HEPH: variants seen among roughly 807,000 people sequenced by gnomAD.
HEPH encodes the protein hephaestin.
In HEPH, 69 loss-of-function variants were observed where a neutral mutation model predicts 80.8. The ratio of observed to expected loss-of-function variants is 0.85; its 90% CI spans 0.70 to 1.04. The LOEUF is 1.04. Ranked by LOEUF, HEPH falls within the 50% of genes least tolerant of loss-of-function variation. HEPH has a pLI of 0.00. For synonymous variants in HEPH, 431 were observed against 322.8 expected (o/e 1.34, Z -3.60); for missense variants, 1,115 against 891.3 (o/e 1.25, Z -3.20).
Position 66,189,818 on chromosome X carries a change from A to G in HEPH, c.943A>G (p.Thr315Ala), listed in dbSNP as rs781442677. Residue 315 changes from threonine (T) to alanine (A), a missense_variant, in exon 6 of 21, where the codon ACC becomes GCC. Physicochemically the swap from Thr to Ala is moderately conservative, Grantham distance 58. Coordinates refer to ENST00000343002, the MANE Select transcript of HEPH (RefSeq NM_001367233.3). ...TAFFHGQMLT[T>A]RGHHTDVANI... Reference sequence around the variant, plus strand: ...ATTTTTCCATGGACAGATGCTGACTACCCGTGGACACCACACTGATGTGGC... The same window carrying G: ...ATTTTTCCATGGACAGATGCTGACTGCCCGTGGACACCACACTGATGTGGC... 2.5e-5 allele frequency: 30 copies of G among 1,208,408 alleles called. No homozygotes were observed. Among genetic ancestry groups the G allele is most frequent in the African/African-American group, 3.5e-5 (2 of 56,794 alleles).
chrX:66,236,117 T>C (rs1222611789), intron 15 of HEPH, among the ~76,000 whole-genome samples: 1 of 111,652 alleles, frequency 9.0e-6, no homozygotes, highest in East Asian at 2.8e-4. Context: ...CTTACCTGAA[T>C]GCTCTGGCCA....
chrX:66,166,941 C>T lies in HEPH; in HGVS notation c.-14+2471C>T, dbSNP rs190864270. Among the ~76,000 whole-genome samples, 82 of 112,288 alleles carry T rather than the reference C, an allele frequency of 7.3e-4. 2 individuals are homozygous for T. The highest frequency in any genetic ancestry group is 2.6e-3 in the African/African-American group (82 of 30,997). ...TTATGGCCCTGGCAAGTTTCATTTC[C>T]AAACTATTTCCTTACTTGCAATAGT... is the stretch of plus-strand genomic sequence containing the variant. On this transcript the variant is annotated intron_variant, in intron 1 of 20. Coordinates refer to ENST00000343002, the MANE Select transcript of HEPH (RefSeq NM_001367233.3).
chrX:66,187,880 T>C (rs1213892500), intron 4 of HEPH, among the ~76,000 whole-genome samples: 1 of 112,358 alleles, frequency 8.9e-6, no homozygotes, highest in Non-Finnish European at 1.9e-5. Context: ...CACCAAACTT[T>C]TCTCCTTTTT....
chrX:66,252,983 G>GC (rs1298853911), intron 15 of HEPH, among the ~76,000 whole-genome samples: 1 of 112,169 alleles, frequency 8.9e-6, no homozygotes, highest in Non-Finnish European at 1.9e-5. Context: ...AAATATAAAA[G>GC]CTAAAGCTAT....
Position 66,214,422 on chromosome X carries a change from G to A in HEPH, c.2563+6176G>A, listed in dbSNP as rs144108726. 9.6e-3 allele frequency among the ~76,000 whole-genome samples: 1,075 copies of A among 111,477 alleles called. 12 individuals are homozygous for A. The highest frequency in any genetic ancestry group is 0.048 in the Admixed American group (505 of 10,478). Reference sequence around the variant, plus strand: ...TAATCCCTTCTAGGTTTTAAACATGGCAGATATCTTTTCCCGATTTGTCAT... The same window carrying A: ...TAATCCCTTCTAGGTTTTAAACATGACAGATATCTTTTCCCGATTTGTCAT... On this transcript the variant is annotated intron_variant, in intron 15 of 20. Transcript: ENST00000343002.
intron 4 of HEPH, among the ~76,000 whole-genome samples, chrX:66,179,119 T>A (rs1001732640): frequency 4.5e-5 from 5 of 112,307 alleles, no homozygotes; most frequent in Non-Finnish European, 7.5e-5. Flanking sequence ...AATTAATTTT[T>A]GTATAAGGTG....
chrX:66,172,264 A>G, intron 2 of HEPH, 91 bp from the exon 3 acceptor site: 1 of 856,007 alleles, frequency 1.2e-6, no homozygotes, highest in Non-Finnish European at 1.6e-6. Flanking sequence ...AAACAAAGAT[A>G]GTCACTTTTT....
intron 1 of HEPH, 81 bp downstream of exon 1, chrX:66,164,551 G>C: frequency 7.5e-6 from 5 of 670,537 alleles, no homozygotes; most frequent in Non-Finnish European, 8.9e-6. Context: ...GGGTTTAAGG[G>C]AGTCCTGGCC....
intron 15 of HEPH, among the ~76,000 whole-genome samples, chrX:66,247,236 C>T (rs887612967): frequency 9.1e-6 from 1 of 109,841 alleles, no homozygotes; most frequent in East Asian, 2.9e-4. Flanking sequence ...CATTTTTAGC[C>T]ATTATTGTTT....
chrX:66,232,232 A>C (rs2090178334), intron 15 of HEPH, among the ~76,000 whole-genome samples: 1 of 111,184 alleles, frequency 9.0e-6, no homozygotes, highest in Non-Finnish European at 1.9e-5. Flanking sequence ...TATTGGTCTA[A>C]AATTCTCTTT....
chrX:66,205,135 CTTTTA>C (rs1249178387), intron 13 of HEPH, among the ~76,000 whole-genome samples: 2 of 111,203 alleles, frequency 1.8e-5, no homozygotes, highest in Non-Finnish European at 3.8e-5. Flanking sequence ...TTAATTTCAA[CTTTTA>C]TTTTAGGTAT....
At chrX:66,163,171 A>G (rs1179442076), upstream of HEPH, among the ~76,000 whole-genome samples, 2 of 111,390 alleles carry the variant, frequency 1.8e-5, no homozygotes, top group Non-Finnish European at 3.8e-5. Context: ...GGCCCAGAGA[A>G]GAGAAGGGAG....
chrX:66,202,339 T>C (rs1391315684), intron 12 of HEPH, among the ~76,000 whole-genome samples: 2 of 111,906 alleles, frequency 1.8e-5, no homozygotes, highest in African/African-American at 6.5e-5. Context: ...GGTAGTTTGG[T>C]GCCAACTCAT....
intron 19 of HEPH, among the ~76,000 whole-genome samples, chrX:66,261,538 GTTTT>G (rs5902598): frequency 6.5e-5 from 6 of 91,641 alleles, no homozygotes; most frequent in Admixed American, 4.8e-4. Context: ...TCAAGGCTGT[GTTTT>G]TTTTTTTTTT....
At position 66,197,738 on chromosome X, in the gene HEPH, GA is replaced by G. The variant is rs2088180629; in HGVS notation, c.1558del (p.Thr520GlnfsTer27). On this transcript the variant is annotated frameshift_variant, in exon 10 of 21. Transcript: ENST00000343002. LOFTEE classifies it high-confidence loss of function. The part of the protein sequence containing the change: ...KPFEKVTYRW[T>X]VPPHAGPTAQ... Reference sequence around the variant, plus strand: ...CCTTTGAGAAAGTAACATACCGCTGGACAGTCCCCCCTCATGCCGGTCCCAC... The same window carrying G: ...CCTTTGAGAAAGTAACATACCGCTGGCAGTCCCCCCTCATGCCGGTCCCAC... 1.7e-6 allele frequency: 2 copies of G among 1,209,989 alleles called. No homozygotes were observed. The highest frequency in any genetic ancestry group is 3.5e-5 in the African/African-American group (2 of 57,194).
At chrX:66,259,967 A>T (rs1413854114) in intron 18 of HEPH, 133 bp from the exon 19 acceptor site, 10 of 448,535 alleles carry the variant, frequency 2.2e-5, no homozygotes, top group Non-Finnish European at 3.4e-5. Flanking sequence ...GACTTTTAAA[A>T]CCACTCACTG....
At chrX:66,212,826 T>C (rs2089200274) in intron 15 of HEPH, among the ~76,000 whole-genome samples, 1 of 110,607 alleles carries the variant, frequency 9.0e-6, no homozygotes, top group Non-Finnish European at 1.9e-5. Context: ...TTTTTTGGTG[T>C]CATATAAATT....
chrX:66,221,588 C>G (rs1357503002), intron 15 of HEPH, among the ~76,000 whole-genome samples: 3 of 112,755 alleles, frequency 2.7e-5, no homozygotes, highest in Non-Finnish European at 3.7e-5. Flanking sequence ...GTTTTGAAAG[C>G]TAGGCCACTG....
chrX:66,192,513 C>T lies in HEPH; in HGVS notation c.1232+215C>T, dbSNP rs962428840. On this transcript the variant is annotated intron_variant, in intron 7 of 20. Transcript: ENST00000343002. Reference sequence around the variant, plus strand: ...AGCAAAGCTTTTTGTGGGGTTATTCCATATCCCCACAAAGGGTCCAAACAG... The same window carrying T: ...AGCAAAGCTTTTTGTGGGGTTATTCTATATCCCCACAAAGGGTCCAAACAG... 5.4e-5 allele frequency among the ~76,000 whole-genome samples: 6 copies of T among 111,251 alleles called. No individual in the cohort carries two copies. The Admixed American group carries it at 5.7e-4, about 11-fold the overall frequency.
Sources: allele counts gnomAD v4.1 joint callset (sites outside exome capture counted in the v4.1 genomes callset), GRCh38; gene constraint gnomAD v4.1.1; transcripts MANE v1.5; gene names NCBI Gene and HGNC (gene_info 2026-07-23, HGNC 2026-07-21).